The following EPB41 variants were observed in gnomAD, a reference collection of about 807,000 sequenced individuals.
EPB41 encodes the protein erythrocyte membrane protein band 4.1, also known as protein 4.1.
A neutral mutation model predicts 108.0 loss-of-function variants in EPB41; 65 were observed. The observed-to-expected ratio is 0.60, with a 90% CI of 0.49 to 0.74. EPB41 has a LOEUF of 0.74. EPB41 is among the 30% of genes least tolerant of loss of function. The pLI is 0.00. For missense variants in EPB41, 875 were observed against 1,037.0 expected, an observed-to-expected ratio of 0.84 and a Z score of 2.15; for synonymous variants, 336 against 358.9, an observed-to-expected ratio of 0.94 and a Z score of 0.72.
At chr1:29,101,132 G>T (rs1438209999) in intron 17 of EPB41, among the ~76,000 whole-genome samples, 1 of 152,032 alleles carries the variant, frequency 6.6e-6, no homozygotes. Context: ...GCTGAGGCAG[G>T]AGAATCGCTT....
chr1:28,959,770 A>C (rs2095123697), intron 1 of EPB41, among the ~76,000 whole-genome samples: 2 of 151,986 alleles, frequency 1.3e-5, no homozygotes, highest in Admixed American at 1.3e-4. Flanking sequence ...GAAGAATTTA[A>C]GGTTTTGAAT....
At chr1:29,015,578 G>GAAAAA in intron 5 of EPB41, 114 bp from the exon 6 acceptor site, 1 of 620,086 alleles carries the variant, frequency 1.6e-6, no homozygotes, top group Non-Finnish European at 2.7e-6. Flanking sequence ...CCGTCTCAAA[G>GAAAAA]AAAAAAAAAA....
chr1:29,019,372 G>A (rs991865437), intron 7 of EPB41, among the ~76,000 whole-genome samples: 10 of 152,204 alleles, frequency 6.6e-5, no homozygotes, highest in African/African-American at 2.4e-4. Context: ...GAAAGGTGAT[G>A]TGTGTAAAAT....
At chr1:28,977,426 T>C (rs1481942490) in intron 1 of EPB41, among the ~76,000 whole-genome samples, 1 of 151,738 alleles carries the variant, frequency 6.6e-6, no homozygotes, top group Non-Finnish European at 1.5e-5. Context: ...GTTTGATTTG[T>C]CTGAAATTAA....
chr1:29,043,274 A>C (rs936238210), intron 11 of EPB41, among the ~76,000 whole-genome samples: 5 of 152,202 alleles, frequency 3.3e-5, no homozygotes, highest in Non-Finnish European at 5.9e-5. Context: ...GAGGAGCTTC[A>C]TTTGAGCTGA....
At chr1:28,966,242 A>G (rs755245786) in intron 1 of EPB41, among the ~76,000 whole-genome samples, 2 of 152,104 alleles carry the variant, frequency 1.3e-5, no homozygotes, top group Admixed American at 1.3e-4. Flanking sequence ...GCATATCTAC[A>G]TCTGAAGTAT....
At chr1:29,032,825 G>A (rs2150318928) in intron 8 of EPB41, among the ~76,000 whole-genome samples, 2 of 152,168 alleles carry the variant, frequency 1.3e-5, no homozygotes, top group South Asian at 4.1e-4. Flanking sequence ...TTCTGGAGCT[G>A]TTAACACTTT....
intron 9 of EPB41, among the ~76,000 whole-genome samples, chr1:29,034,030 A>G (rs765202934): frequency 6.6e-6 from 1 of 152,178 alleles, no homozygotes; most frequent in African/African-American, 2.4e-5. Context: ...TTTTGTGTGT[A>G]TATATCACCA....
chr1:28,914,224 C>T (rs1217573170), upstream of EPB41, among the ~76,000 whole-genome samples: 2 of 152,230 alleles, frequency 1.3e-5, no homozygotes, highest in Non-Finnish European at 2.9e-5. Context: ...GAAAGGGCCT[C>T]ACCGTCCAGG....
chr1:29,016,868 C>T (rs1572517636), intron 6 of EPB41, among the ~76,000 whole-genome samples: 1 of 152,236 alleles, frequency 6.6e-6, no homozygotes, highest in Admixed American at 6.5e-5. Flanking sequence ...ATTTTGCTGC[C>T]AACTATCTGA....
At position 29,112,930 on chromosome 1, in the gene EPB41, G is replaced by A. The variant is rs111631700; in HGVS notation, c.2496+482G>A. On this transcript the variant is annotated intron_variant, in intron 19 of 20. Transcript: ENST00000343067. Reference sequence around the variant, plus strand: ...GGAAGCATGCCCCTACCCTTAGAGAGCTGTAACAGCCGAGAAGACACGAGC... The same window carrying A: ...GGAAGCATGCCCCTACCCTTAGAGAACTGTAACAGCCGAGAAGACACGAGC... 6.6e-4 allele frequency among the ~76,000 whole-genome samples: 101 copies of A among 152,300 alleles called. 2 individuals are homozygous for A. The highest frequency in any genetic ancestry group is 4.4e-3 in the Admixed American group (67 of 15,286).
rs142311154 is a variant in EPB41 at position 29,035,676 on chromosome 1, A to G, written c.1366-150A>G. The G allele has an allele frequency of 1.2e-3, 766 of 624,456 alleles. 5 individuals are homozygous for G. In the African/African-American group the frequency reaches 0.013, roughly 10 times the overall value. 38.7% of individuals were successfully genotyped at this position (624,456 alleles called of 1,614,324 possible). A position where few individuals can be genotyped will look rare whatever the true frequency, so the allele number is the denominator to read the frequency against. On this transcript the variant is annotated intron_variant, in intron 9 of 20. Coordinates refer to ENST00000343067, the MANE Select transcript of EPB41 (RefSeq NM_001376013.1). The stretch of plus-strand genomic sequence containing the variant: ...AGTGAGTGAATTTCTTTCAGTAAGT[A>G]GGAAAAAATTCCAAATGACATTTTA...
chr1:29,119,487 A>T lies in EPB41; in HGVS notation c.*2675A>T, dbSNP rs891592701. 1 of 152,340 alleles carries T rather than the reference A, an allele frequency of 6.6e-6. No individual in the cohort carries two copies. Among genetic ancestry groups the T allele is most frequent in the Non-Finnish European group, 1.5e-5 (1 of 68,056 alleles). The allele number at this position is 152,340 out of a possible 1,614,324, so 9.4% of individuals were successfully genotyped here. On this transcript the variant is annotated 3_prime_UTR_variant, in exon 21 of 21. Coordinates refer to ENST00000343067, the MANE Select transcript of EPB41 (RefSeq NM_001376013.1). The stretch of plus-strand genomic sequence containing the variant: ...ATAAAGATTTCCTCCAAGCCACATG[A>T]GGACTCTGGCACCCACCCACAAAGC...
chr1:29,058,544 C>T, intron 12 of EPB41, 45 bp from the exon 13 acceptor site: 1 of 1,555,116 alleles, frequency 6.4e-7, no homozygotes, highest in Non-Finnish European at 8.8e-7. Context: ...TCATAGAAAC[C>T]TACTAACCTA....
intron 6 of EPB41, among the ~76,000 whole-genome samples, chr1:29,017,699 G>C (rs1196400060): frequency 3.9e-5 from 6 of 152,132 alleles, no homozygotes; most frequent in African/African-American, 1.4e-4. Flanking sequence ...CTGCACACTT[G>C]GCATAGCAAT....
chr1:28,909,157 C>CAA lies in EPB41; in HGVS notation c.-8+21963_-8+21964dup, dbSNP rs35591255. Among the ~76,000 whole-genome samples, 445 of 122,800 alleles carry CAA rather than the reference C, an allele frequency of 3.6e-3. 5 individuals are homozygous for CAA. Among genetic ancestry groups the CAA allele is most frequent in the African/African-American group, 9.4e-3 (305 of 32,334 alleles). The allele number at this position is 122,800 out of a possible 152,430, so 80.6% of individuals were successfully genotyped here. On this transcript the variant is annotated intron_variant, in intron 1 of 16. Transcript: ENST00000347529. ...TGGGCTATGGAGTAAGACTCCGTCT[C>CAA]AAAAAAAAAAAAAAAAAGTCAGTCC...
intron 17 of EPB41, among the ~76,000 whole-genome samples, chr1:29,104,599 T>C (rs1346631250): frequency 6.6e-6 from 1 of 152,092 alleles, no homozygotes; most frequent in Admixed American, 6.6e-5. Flanking sequence ...TTTTTTTTTT[T>C]TCGAGACGGA....
rs567475705 is a variant in EPB41 at position 28,970,562 on chromosome 1, T to C, written c.-7-16869T>C. ...GTGGTTCTCCTTCCTTTCAGTTACA[T>C]TTTCAGGCTAAATTATTCCATTGTT... On this transcript the variant is annotated intron_variant, in intron 1 of 20. Coordinates refer to ENST00000343067, the MANE Select transcript of EPB41 (RefSeq NM_001376013.1). 3.9e-5 allele frequency among the ~76,000 whole-genome samples: 6 copies of C among 152,344 alleles called. No homozygotes were observed. In the South Asian group the frequency reaches 1.0e-3, roughly 26 times the overall value.
At chr1:28,994,633 TTTTATTTATTTATTTATTTA>T (rs71586878) in intron 3 of EPB41, among the ~76,000 whole-genome samples, 5 of 139,794 alleles carry the variant, frequency 3.6e-5, no homozygotes, top group East Asian at 4.2e-4. Context: ...GAACAAACTA[TTTTATTTATTTATTTATTTA>T]TTTATTTATT....
Sources: gnomAD v4.1 joint callset for allele counts (sites outside exome capture counted in the v4.1 genomes callset) on GRCh38, gnomAD v4.1.1 for gene constraint, MANE v1.5 for transcripts, NCBI Gene and HGNC (gene_info 2026-07-23, HGNC 2026-07-21) for gene names.